Variants in TRPM3 observed in about 807,000 individuals in gnomAD.
TRPM3 encodes transient receptor potential cation channel subfamily M member 3.
In TRPM3, 77 loss-of-function variants were observed where a neutral mutation model predicts 181.2. The ratio of observed to expected loss-of-function variants is 0.42; its 90% CI spans 0.35 to 0.51. The LOEUF (loss-of-function observed/expected upper bound fraction) is 0.51. Ranked by LOEUF, TRPM3 falls within the 20% of genes least tolerant of loss-of-function variation. The pLI, the probability that TRPM3 is intolerant of heterozygous loss-of-function variation, is 0.01. For missense variants in TRPM3, 1,759 were observed against 2,196.7 expected (o/e 0.80, Z 3.98); for synonymous variants, 745 against 796.4 (o/e 0.94, Z 1.09).
rs147566704 is a variant in TRPM3, at chr9:70,804,833, A to G, written c.974-20554T>C. ...CCCTTACCACTATTCAATACACTAT[A>G]TATTTTACTTATTTTCTATCCCCTC... On this transcript the variant is annotated intron_variant, in intron 6 of 25. Transcript: ENST00000677713. Among the ~76,000 whole-genome samples the G allele has an allele frequency of 3.8e-4, 58 of 152,140 alleles. 1 individual carries two copies. The East Asian group carries it at 9.7e-3, about 25-fold the overall frequency.
chr9:71,281,272 G>C (rs2084684366), intron 1 of TRPM3, among the ~76,000 whole-genome samples: 1 of 152,180 alleles, frequency 6.6e-6, no homozygotes, highest in Non-Finnish European at 1.5e-5. Context: ...GGATAAAGAA[G>C]AGGCAAACTT....
intron 6 of TRPM3, among the ~76,000 whole-genome samples, chr9:70,804,068 T>C (rs895056386): frequency 2.6e-5 from 4 of 151,978 alleles, no homozygotes; most frequent in African/African-American, 9.7e-5. Context: ...TGGTGGCTCA[T>C]GCCTGTAATC....
At chr9:70,690,628 C>T (rs534829416) in intron 8 of TRPM3, among the ~76,000 whole-genome samples, 3 of 152,052 alleles carry the variant, frequency 2.0e-5, no homozygotes, top group South Asian at 4.2e-4. Flanking sequence ...TTTTAAAAGC[C>T]GCCAGCTTAG....
intron 9 of TRPM3, among the ~76,000 whole-genome samples, chr9:70,654,528 A>G (rs1160683146): frequency 1.3e-5 from 2 of 152,128 alleles, no homozygotes. Context: ...CAGTGGTGAC[A>G]CACTGTGGAG....
chr9:70,640,062 T>C (rs1334539422), intron 10 of TRPM3, among the ~76,000 whole-genome samples: 3 of 152,152 alleles, frequency 2.0e-5, no homozygotes, highest in African/African-American at 7.2e-5. Flanking sequence ...AGAACAGTTA[T>C]ATAAAGCATT....
chr9:71,159,105 T>TTAGAGAG lies in TRPM3; in HGVS notation c.183+287547_183+287548insCTCTCTA, dbSNP rs1554836762. ...TGAGCCTATATTATATATATATATT[T>TTAGAGAG]AGAGAGAGAGAGAGAGAGAGAGAGA... On this transcript the variant is annotated intron_variant, in intron 1 of 24. Transcript: ENST00000357533. Among the ~76,000 whole-genome samples the TTAGAGAG allele has an allele frequency of 3.2e-3, 464 of 144,150 alleles. 5 individuals carry two copies. Among genetic ancestry groups the TTAGAGAG allele is most frequent in the African/African-American group, 0.011 (446 of 38,784 alleles). 94.6% of individuals were successfully genotyped at this position (144,150 alleles called of 152,430 possible).
chr9:70,738,055 C>G (rs535829808), intron 8 of TRPM3, among the ~76,000 whole-genome samples: 89 of 152,234 alleles, frequency 5.8e-4, no homozygotes, highest in Non-Finnish European at 1.1e-3. Flanking sequence ...TTCTACCCAA[C>G]AAAGGCAGAC....
intron 6 of TRPM3, among the ~76,000 whole-genome samples, chr9:70,792,604 AGGG>A (rs1053694628): frequency 2.0e-5 from 3 of 151,122 alleles, no homozygotes; most frequent in Non-Finnish European, 3.0e-5. Flanking sequence ...GGAAGAGAGA[AGGG>A]AGGGGAAACA....
chr9:70,927,025 A>T (rs1267601339), intron 1 of TRPM3, among the ~76,000 whole-genome samples: 2 of 152,224 alleles, frequency 1.3e-5, no homozygotes, highest in Non-Finnish European at 2.9e-5. Context: ...CATTTCAAGT[A>T]ACATGAAAAT....
chr9:70,561,686 T>C (rs1182214002), intron 22 of TRPM3, among the ~76,000 whole-genome samples: 1 of 152,192 alleles, frequency 6.6e-6, no homozygotes, highest in African/African-American at 2.4e-5. Context: ...GATAATGATA[T>C]GGCGCAAAGG....
intron 1 of TRPM3, among the ~76,000 whole-genome samples, chr9:71,160,843 T>C (rs2076242051): frequency 6.6e-6 from 1 of 152,188 alleles, no homozygotes; most frequent in Non-Finnish European, 1.5e-5. Flanking sequence ...AGGTTCCCAA[T>C]TATATTTATG....
intron 6 of TRPM3, among the ~76,000 whole-genome samples, chr9:70,814,621 C>G (rs1452565184): frequency 6.6e-6 from 1 of 152,128 alleles, no homozygotes; most frequent in Non-Finnish European, 1.5e-5. Flanking sequence ...ATACTGTTCT[C>G]TCTAATGTCC....
At chr9:71,208,326 A>C (rs936852728) in intron 1 of TRPM3, among the ~76,000 whole-genome samples, 4 of 152,212 alleles carry the variant, frequency 2.6e-5, no homozygotes, top group African/African-American at 9.6e-5. Flanking sequence ...TTTAAATTCT[A>C]TTTTGAACAA....
At chr9:70,658,980 G>A (rs1251239986) in intron 9 of TRPM3, among the ~76,000 whole-genome samples, 1 of 151,996 alleles carries the variant, frequency 6.6e-6, no homozygotes, top group African/African-American at 2.4e-5. Context: ...TTGAGTTATT[G>A]ACAGCTTTTA....
chr9:71,242,668 T>G (rs558283268), intron 1 of TRPM3, among the ~76,000 whole-genome samples: 1 of 152,328 alleles, frequency 6.6e-6, no homozygotes, highest in Admixed American at 6.5e-5. Context: ...ATTACTATCA[T>G]CATTGCCACA....
chr9:71,360,794 A>G (rs1040258472), intron 1 of TRPM3, among the ~76,000 whole-genome samples: 2 of 152,214 alleles, frequency 1.3e-5, no homozygotes, highest in African/African-American at 4.8e-5. Context: ...TATGTCATCA[A>G]GTAATAATGG....
chr9:71,176,970 A>G (rs993156884), intron 1 of TRPM3, among the ~76,000 whole-genome samples: 7 of 152,094 alleles, frequency 4.6e-5, no homozygotes, highest in Non-Finnish European at 1.5e-5. Flanking sequence ...TGGGACACAC[A>G]GCACAAGGTA....
intron 1 of TRPM3, among the ~76,000 whole-genome samples, chr9:71,386,703 A>G (rs1216428427): frequency 6.6e-6 from 1 of 152,182 alleles, no homozygotes; most frequent in Non-Finnish European, 1.5e-5. Flanking sequence ...ACACTAAACC[A>G]GTTATTATAT....
At chr9:71,092,425 G>A (rs1203900510) in intron 1 of TRPM3, among the ~76,000 whole-genome samples, 2 of 152,046 alleles carry the variant, frequency 1.3e-5, no homozygotes, top group Non-Finnish European at 2.9e-5. Flanking sequence ...TTGTAAATTT[G>A]TTTTTCTAAT....
Sources: gnomAD v4.1 joint callset for allele counts (sites outside exome capture counted in the v4.1 genomes callset) on GRCh38, gnomAD v4.1.1 for gene constraint, MANE v1.5 for transcripts, NCBI Gene and HGNC (gene_info 2026-07-23, HGNC 2026-07-21) for gene names.